HGSNAT: variants seen among roughly 807,000 people sequenced by gnomAD.
HGSNAT encodes transmembrane protein 76.
A neutral mutation model predicts 85.2 loss-of-function variants in HGSNAT; 59 were observed. That is an observed-to-expected ratio of 0.69 (90% CI 0.56 to 0.86). The LOEUF (loss-of-function observed/expected upper bound fraction) is 0.86. Among genes scored for constraint, HGSNAT ranks in the 40% least tolerant of loss-of-function variants. The pLI is 0.00. For missense variants in HGSNAT, 756 were observed against 777.1 expected (o/e 0.97, Z 0.32); for synonymous variants, 321 against 304.5 (o/e 1.05, Z -0.56).
intron 6 of HGSNAT, among the ~76,000 whole-genome samples, chr8:43,170,077 T>A (rs1803565417): frequency 1.3e-5 from 2 of 152,160 alleles, no homozygotes; most frequent in South Asian, 4.1e-4. Context: ...CACCTTGGCC[T>A]CCCAAAGTGC....
In HGSNAT at chr8:43,158,624, A is replaced by C. The variant is rs374071098; in HGVS notation, c.284A>C (p.Lys95Thr). The C allele has an allele frequency of 4.3e-6, 7 of 1,613,868 alleles. No homozygotes were observed. The African/African-American group carries it at 9.3e-5, about 22-fold the overall frequency. Residue 95 changes from lysine to threonine, a missense_variant, in exon 3 of 18, where the codon AAG (lysine) becomes ACG (threonine). Lys to Thr is a moderately conservative substitution (Grantham distance 78). Coordinates refer to ENST00000379644, the MANE Select transcript of HGSNAT (RefSeq NM_152419.3). ...GTTCCTCAGAGTCCAAAAGCAGGGAAGCCTAGTGCTGCAGCTGCCTCTGTC... is the reference window on the plus strand; with the variant it reads ...GTTCCTCAGAGTCCAAAAGCAGGGACGCCTAGTGCTGCAGCTGCCTCTGTC... Reference protein sequence around the residue: ...VNVPQSPKAGKPSAAAASVST... With the variant: ...VNVPQSPKAGTPSAAAASVST...
At position 43,199,701 on chromosome 8, in the gene HGSNAT, C is replaced by A; in HGVS notation, c.*132C>A. 1 of 592,402 alleles carries A rather than the reference C, an allele frequency of 1.7e-6. No homozygotes were observed. Among genetic ancestry groups the A allele is most frequent in the Non-Finnish European group, 2.7e-6 (1 of 374,352 alleles). The allele number at this position is 592,402 out of a possible 1,614,324, so 36.7% of individuals were successfully genotyped here. ...TGTTTACAGACTCTGGGGGAAGACA[C>A]TGATGTCCTCAAACTGGTTAACTGT... On this transcript the variant is annotated 3_prime_UTR_variant, in exon 18 of 18. Coordinates refer to ENST00000379644, the MANE Select transcript of HGSNAT (RefSeq NM_152419.3).
At position 43,202,810 on chromosome 8, in the gene HGSNAT, A is replaced by G. The variant is rs886062966; in HGVS notation, c.*3241A>G. On this transcript the variant is annotated 3_prime_UTR_variant, in exon 18 of 18. Coordinates refer to ENST00000379644, the MANE Select transcript of HGSNAT (RefSeq NM_152419.3). ...TAATGTAATTCTGTTTTCCAAATAA[A>G]TGGGGGAGACAAATGGACTTTGAGT... is the stretch of plus-strand genomic sequence containing the variant. 1 of 152,236 alleles carries G rather than the reference A, an allele frequency of 6.6e-6. No individual in the cohort carries two copies. Among genetic ancestry groups the G allele is most frequent in the Non-Finnish European group, 1.5e-5 (1 of 68,044 alleles). The allele number at this position is 152,236 out of a possible 1,614,324, so 9.4% of individuals were successfully genotyped here.
rs1804854833 is a variant in HGSNAT, at chr8:43,199,621, G to A, written c.*52G>A. ...AAGACTCTAGTAGGCCTGCAGGGAG[G>A]ACTGAAGCAGCCTTTGTTAAAGGGA... On this transcript the variant is annotated 3_prime_UTR_variant, in exon 18 of 18. Coordinates refer to ENST00000379644, the MANE Select transcript of HGSNAT (RefSeq NM_152419.3). The A allele has an allele frequency of 7.4e-7, 1 of 1,346,588 alleles. No individual in the cohort carries two copies. The highest frequency in any genetic ancestry group is 2.5e-5 in the Admixed American group (1 of 39,482). The allele number at this position is 1,346,588 out of a possible 1,614,324, so 83.4% of individuals were successfully genotyped here. A position where few individuals can be genotyped will look rare whatever the true frequency, so the allele number is the denominator to read the frequency against.
At chr8:43,175,308 T>A (rs1803770902) in intron 9 of HGSNAT, among the ~76,000 whole-genome samples, 1 of 152,204 alleles carries the variant, frequency 6.6e-6, no homozygotes, top group Non-Finnish European at 1.5e-5. Context: ...TAACCTATTG[T>A]CCATGGTGAT....
chr8:43,172,445 A>G (rs1387239194), intron 8 of HGSNAT, 59 bp downstream of exon 8: 3 of 1,231,492 alleles, frequency 2.4e-6, no homozygotes, highest in Admixed American at 3.5e-5. Flanking sequence ...GCTTCAGGGC[A>G]GGAGAATCAC....
chr8:43,200,733 T>G lies in HGSNAT; in HGVS notation c.*1164T>G, dbSNP rs1024200960. On this transcript the variant is annotated 3_prime_UTR_variant, in exon 18 of 18. Transcript: ENST00000379644. ...CCCTCCTGGGTGTTCTGTGGGAATTTCCTGTGTGAGGAAAACGTGGCCACA... is the reference window on the plus strand; with the variant it reads ...CCCTCCTGGGTGTTCTGTGGGAATTGCCTGTGTGAGGAAAACGTGGCCACA... 1.3e-5 allele frequency: 2 copies of G among 152,326 alleles called. No individual in the cohort carries two copies. 9.4% of individuals were successfully genotyped at this position (152,326 alleles called of 1,614,324 possible). A position where few individuals can be genotyped will look rare whatever the true frequency, so the allele number is the denominator to read the frequency against.
intron 10 of HGSNAT, among the ~76,000 whole-genome samples, chr8:43,179,539 C>A (rs1803963439): frequency 9.1e-6 from 1 of 109,650 alleles, no homozygotes; most frequent in African/African-American, 3.7e-5. Flanking sequence ...GGCCGACCCC[C>A]CCCACCGCCT....
At chr8:43,155,385 C>T (rs971054031) in intron 2 of HGSNAT, among the ~76,000 whole-genome samples, 10 of 151,904 alleles carry the variant, frequency 6.6e-5, no homozygotes, top group Middle Eastern at 3.4e-3. Flanking sequence ...TTCTTTTTTT[C>T]CCCTGATACA....
At chr8:43,155,153 T>G (rs991064878) in intron 2 of HGSNAT, among the ~76,000 whole-genome samples, 1 of 152,196 alleles carries the variant, frequency 6.6e-6, no homozygotes, top group Non-Finnish European at 1.5e-5. Flanking sequence ...GGAACCTTCA[T>G]ATTGTTTCCC....
intron 2 of HGSNAT, among the ~76,000 whole-genome samples, chr8:43,147,711 A>G (rs1208166928): frequency 1.3e-5 from 2 of 152,174 alleles, no homozygotes; most frequent in African/African-American, 4.8e-5. Flanking sequence ...GTACTTATGA[A>G]CATAAAGGTG....
chr8:43,184,947 A>G (rs1252856069), intron 11 of HGSNAT, among the ~76,000 whole-genome samples: 1 of 152,184 alleles, frequency 6.6e-6, no homozygotes, highest in African/African-American at 2.4e-5. Flanking sequence ...AGATGGTTGT[A>G]GATGTGTGGT....
intron 14 of HGSNAT, among the ~76,000 whole-genome samples, chr8:43,195,655 T>TGGAGGGGGAGGAGGGAGTAGA (rs1804693393): frequency 1.5e-5 from 1 of 67,560 alleles, no homozygotes; most frequent in Non-Finnish European, 2.7e-5. Flanking sequence ...GAGGAGGGGC[T>TGGAGGGGGAGGAGGGAGTAGA]GGAGGAGGAG....
intron 9 of HGSNAT, among the ~76,000 whole-genome samples, chr8:43,174,904 C>T (rs1024490730): frequency 5.3e-5 from 8 of 152,168 alleles, no homozygotes; most frequent in Non-Finnish European, 1.0e-4. Flanking sequence ...ACCACGCCCC[C>T]TCCTTCCCTC....
intron 9 of HGSNAT, among the ~76,000 whole-genome samples, chr8:43,174,498 CTTCTTA>C (rs1388580915): frequency 6.6e-6 from 1 of 152,116 alleles, no homozygotes; most frequent in Non-Finnish European, 1.5e-5. Context: ...TCATTCATAG[CTTCTTA>C]TTCTTGTGAA....
intron 11 of HGSNAT, among the ~76,000 whole-genome samples, chr8:43,188,802 A>G (rs1326994316): frequency 6.6e-6 from 1 of 152,112 alleles, no homozygotes; most frequent in Non-Finnish European, 1.5e-5. Context: ...TTGGTCTTTG[A>G]TGATGGTGAT....
chr8:43,186,338 A>T (rs989109139), intron 11 of HGSNAT, among the ~76,000 whole-genome samples: 14 of 152,096 alleles, frequency 9.2e-5, no homozygotes, highest in Non-Finnish European at 1.8e-4. Flanking sequence ...CTATTCAGGG[A>T]TTCAACTTCT....
chr8:43,176,823 C>T (rs1002630007), intron 9 of HGSNAT, among the ~76,000 whole-genome samples: 2 of 152,030 alleles, frequency 1.3e-5, no homozygotes, highest in African/African-American at 2.4e-5. Flanking sequence ...AAATGGAATT[C>T]CTTTCCTGAT....
chr8:43,191,516 C>T lies in HGSNAT; in HGVS notation c.1171C>T (p.Pro391Ser), dbSNP rs765042912. 1 of 1,613,980 alleles carries T rather than the reference C, an allele frequency of 6.2e-7. No individual in the cohort carries two copies. Among genetic ancestry groups the T allele is most frequent in the Non-Finnish European group, 8.5e-7 (1 of 1,179,856 alleles). ...LSLRDITSSWPQWLLILVLEG... is the reference protein window; with the variant it reads ...LSLRDITSSWSQWLLILVLEG... ...TCTTCGAGACATCACGTCCAGCTGGCCCCAGTGGCTGCTCATCCTGGTGCT... is the reference window on the plus strand; with the variant it reads ...TCTTCGAGACATCACGTCCAGCTGGTCCCAGTGGCTGCTCATCCTGGTGCT... The change falls in exon 12 of 18, where the codon CCC becomes TCC. Residue 391 changes from proline to serine, a missense_variant. By Grantham distance (74) the Pro-to-Ser change is moderately conservative. Transcript: ENST00000379644.
Sources: allele counts gnomAD v4.1 joint callset (sites outside exome capture counted in the v4.1 genomes callset), GRCh38; gene constraint gnomAD v4.1.1; transcripts MANE v1.5; gene names NCBI Gene and HGNC (gene_info 2026-07-23, HGNC 2026-07-21).